SCN2A: variants seen among roughly 807,000 people sequenced by gnomAD.
The protein encoded by SCN2A is sodium voltage-gated channel alpha subunit 2, also known as sodium channel protein type 2 subunit alpha.
Under a neutral mutation model 188.7 loss-of-function variants are expected in SCN2A, and 20 were observed. That is an observed-to-expected ratio of 0.11 (90% confidence interval 0.07 to 0.15). The LOEUF is 0.15. SCN2A is among the 10% of genes least tolerant of loss of function. The pLI, the probability that SCN2A is intolerant of heterozygous loss-of-function variation, is 1.00. For synonymous variants in SCN2A, 804 were observed against 833.1 expected (o/e 0.97, Z 0.60); for missense variants, 1,278 against 2,445.0 (o/e 0.52, Z 10.07).
chr2:165,256,563 T>G (rs1412696356), intron 1 of SCN2A, among the ~76,000 whole-genome samples: 1 of 152,206 alleles, frequency 6.6e-6, no homozygotes, highest in Non-Finnish European at 1.5e-5. Flanking sequence ...AGACTTCCAT[T>G]TAACAAACTT....
intron 19 of SCN2A, among the ~76,000 whole-genome samples, chr2:165,368,894 G>C (rs938200545): frequency 6.6e-6 from 1 of 151,884 alleles, no homozygotes; most frequent in African/African-American, 2.4e-5. Flanking sequence ...TCAGTTTAAA[G>C]AGGATCAGCC....
At chr2:165,265,468 G>GATCTATAT (rs1298041915) in intron 1 of SCN2A, among the ~76,000 whole-genome samples, 1 of 19,772 alleles carries the variant, frequency 5.1e-5, no homozygotes, top group Admixed American at 6.2e-4. Context: ...TTACTCTGTT[G>GATCTATAT]ATCTATATAT....
chr2:165,386,769 T>C lies in SCN2A; in HGVS notation c.4575T>C (p.Phe1525=). Residue 1525 remains phenylalanine (F), a synonymous_variant, in exon 26 of 27, where the codon TTT becomes TTC. Coordinates refer to ENST00000375437, the MANE Select transcript of SCN2A (RefSeq NM_001040142.2). ...RPANKFQGMV[F]DFVTKQVFDI... ...AGAACAAATTCCAAGGAATGGTCTT[T>C]GATTTTGTAACCAAACAAGTCTTTG... 1 of 1,613,734 alleles carries C rather than the reference T, an allele frequency of 6.2e-7. No individual in the cohort carries two copies. Among genetic ancestry groups the C allele is most frequent in the African/African-American group, 1.3e-5 (1 of 75,046 alleles).
intron 3 of SCN2A, among the ~76,000 whole-genome samples, chr2:165,307,033 C>T (rs554328112): frequency 1.1e-4 from 17 of 151,818 alleles, no homozygotes; most frequent in Non-Finnish European, 2.2e-4. Context: ...TTTTTAATGT[C>T]AAGGAAAGTG....
intron 14 of SCN2A, among the ~76,000 whole-genome samples, chr2:165,334,918 G>A (rs1206078190): frequency 6.6e-6 from 1 of 151,098 alleles, no homozygotes; most frequent in Non-Finnish European, 1.5e-5. Flanking sequence ...TAAGATTGCA[G>A]AATACAAGAT....
intron 1 of SCN2A, among the ~76,000 whole-genome samples, chr2:165,262,167 G>A (rs149390906): frequency 0.01 from 1,453 of 143,266 alleles, 24 homozygotes; most frequent in African/African-American, 0.037. Flanking sequence ...GAATGTGCAG[G>A]TTTGTTACAC....
At chr2:165,375,025 C>A in intron 22 of SCN2A, 59 bp downstream of exon 22, 1 of 1,459,470 alleles carries the variant, frequency 6.9e-7, no homozygotes, top group Non-Finnish European at 9.5e-7. Flanking sequence ...TAAAGTTTTT[C>A]TTCCTCATAA....
In SCN2A at chr2:165,309,447, A is replaced by G. The variant is rs1358284656; in HGVS notation, c.697+4A>G. On this transcript the variant is annotated splice_donor_region_variant and intron_variant, in intron 6 of 26. Transcript: ENST00000375437. ...AAAACAATTTCAGTCATTCCAGGTG[A>G]GAGCTAGGTTAAACACCGAGGCTGA... 3 of 1,613,562 alleles carry G rather than the reference A, an allele frequency of 1.9e-6. No individual in the cohort carries two copies.
chr2:165,320,795 A>G (rs1245072280), intron 11 of SCN2A, among the ~76,000 whole-genome samples: 2 of 152,162 alleles, frequency 1.3e-5, no homozygotes, highest in African/African-American at 4.8e-5. Context: ...TGGACCCGGC[A>G]CATGAAACCA....
At position 165,327,155 on chromosome 2, in the gene SCN2A, AT is replaced by A. The variant is rs66861006; in HGVS notation, c.2149+183del. The stretch of plus-strand genomic sequence containing the variant: ...TCATGGATTCTATTATCTTCCACAG[AT>A]TTTTTTTTTTTATATTTAGCCTCCA... On this transcript the variant is annotated intron_variant, in intron 13 of 26. Coordinates refer to ENST00000375437, the MANE Select transcript of SCN2A (RefSeq NM_001040142.2). The A allele has an allele frequency of 0.28, 176,270 of 623,784 alleles. 12,496 individuals are homozygous for A. Among genetic ancestry groups the A allele is most frequent in the African/African-American group, 0.4 (20,759 of 52,496 alleles). 38.6% of individuals were successfully genotyped at this position (623,784 alleles called of 1,614,324 possible). A position where few individuals can be genotyped will look rare whatever the true frequency, so the allele number is the denominator to read the frequency against.
intron 17 of SCN2A, among the ~76,000 whole-genome samples, chr2:165,361,939 A>G (rs186156707): frequency 3.3e-3 from 496 of 152,188 alleles, no homozygotes; most frequent in Non-Finnish European, 5.6e-3. Flanking sequence ...TCAGAATCTT[A>G]AAAGATTTGT....
intron 1 of SCN2A, among the ~76,000 whole-genome samples, chr2:165,265,625 A>T (rs1326831261): frequency 6.7e-6 from 1 of 148,250 alleles, no homozygotes; most frequent in African/African-American, 2.5e-5. Flanking sequence ...CCCACTATCA[A>T]CCTCCATAGT....
chr2:165,275,111 C>T (rs947944226), intron 1 of SCN2A, among the ~76,000 whole-genome samples: 2 of 152,224 alleles, frequency 1.3e-5, no homozygotes, highest in Admixed American at 6.5e-5. Context: ...TGATGTTCTA[C>T]TGCCTTGTTT....
At position 165,260,234 on chromosome 2, in the gene SCN2A, C is replaced by T. The variant is rs147891328; in HGVS notation, c.-52+20594C>T. On this transcript the variant is annotated intron_variant, in intron 1 of 26. Coordinates refer to ENST00000375437, the MANE Select transcript of SCN2A (RefSeq NM_001040142.2). The stretch of plus-strand genomic sequence containing the variant: ...CTAGGATTATAGGCGTGAGCCACTG[C>T]GCCCGGCCAAAATGGATTTCTTAAT... Among the ~76,000 whole-genome samples, 1,056 of 152,178 alleles carry T rather than the reference C, an allele frequency of 6.9e-3. 12 individuals are homozygous for T. The highest frequency in any genetic ancestry group is 0.024 in the African/African-American group (1,001 of 41,542).
intron 12 of SCN2A, among the ~76,000 whole-genome samples, chr2:165,324,103 A>T (rs1698227907): frequency 2.0e-5 from 3 of 152,200 alleles, no homozygotes. Flanking sequence ...CAATTTTTAT[A>T]TTACTGTCAT....
intron 19 of SCN2A, 110 bp from the exon 20 acceptor site, chr2:165,370,016 C>T: frequency 1.1e-6 from 1 of 903,728 alleles, no homozygotes; most frequent in Non-Finnish European, 1.7e-6. Context: ...AACATTAAAC[C>T]TTCCAGCCTT....
intron 1 of SCN2A, among the ~76,000 whole-genome samples, chr2:165,249,985 A>T (rs1371266198): frequency 1.3e-5 from 2 of 151,954 alleles, no homozygotes; most frequent in African/African-American, 2.4e-5. Context: ...ATCAAATCTA[A>T]CTCAAACGTC....
intron 19 of SCN2A, among the ~76,000 whole-genome samples, chr2:165,368,924 T>TTTATTATTA (rs36023130): frequency 1.3e-5 from 2 of 151,206 alleles, no homozygotes; most frequent in Admixed American, 1.3e-4. Flanking sequence ...TTTCTTTACC[T>TTTATTATTA]TTATTATTAT....
At chr2:165,244,904 G>C (rs1231363652) in intron 1 of SCN2A, among the ~76,000 whole-genome samples, 3 of 152,036 alleles carry the variant, frequency 2.0e-5, no homozygotes, top group Non-Finnish European at 2.9e-5. Context: ...GATATGTATG[G>C]GGAAATGACA....
Sources: gnomAD v4.1 joint callset for allele counts (sites outside exome capture counted in the v4.1 genomes callset) on GRCh38, gnomAD v4.1.1 for gene constraint, MANE v1.5 for transcripts, NCBI Gene and HGNC (gene_info 2026-07-23, HGNC 2026-07-21) for gene names.